IMMP2L: variants seen among roughly 807,000 people sequenced by gnomAD.
The protein encoded by IMMP2L is inner mitochondrial membrane peptidase subunit 2, also known as mitochondrial inner membrane protease subunit 2.
A neutral mutation model predicts 19.3 loss-of-function variants in IMMP2L; 18 were observed. The observed-to-expected ratio is 0.93, with a 90% CI of 0.64 to 1.38. The LOEUF (loss-of-function observed/expected upper bound fraction) is 1.38. Among genes scored for constraint, IMMP2L ranks in the 40% most tolerant of loss-of-function variants. The probability of loss-of-function intolerance (pLI) is 0.00; values close to 1 mark genes in which losing one functional copy is unlikely to be tolerated. For synonymous variants in IMMP2L, 76 were observed against 73.0 expected (o/e 1.04, Z -0.21); for missense variants, 233 against 218.2 (o/e 1.07, Z -0.43).
At chr7:111,159,177 A>G (rs1024482690) in intron 3 of IMMP2L, among the ~76,000 whole-genome samples, 3 of 152,156 alleles carry the variant, frequency 2.0e-5, no homozygotes, top group Non-Finnish European at 4.4e-5. Context: ...GTGCAGTAGC[A>G]TGATGTCGAC....
chr7:111,292,454 G>GA (rs1333634226), intron 3 of IMMP2L, among the ~76,000 whole-genome samples: 1 of 151,992 alleles, frequency 6.6e-6, no homozygotes, highest in Admixed American at 6.6e-5. Context: ...ATATTCAGTA[G>GA]ATGTAAATGT....
chr7:111,366,328 C>A, intron 3 of IMMP2L, among the ~76,000 whole-genome samples: 1 of 143,472 alleles, frequency 7.0e-6, no homozygotes, highest in Admixed American at 7.1e-5. Flanking sequence ...GAGAAGCATT[C>A]TATTAAAAAA....
chr7:110,951,068 C>A (rs10252992), intron 4 of IMMP2L, among the ~76,000 whole-genome samples: 27,183 of 151,004 alleles, frequency 0.18, 5,365 homozygotes, highest in African/African-American at 0.49. Context: ...AGTATCTAAA[C>A]CACTCAAACT....
At chr7:111,178,702 A>C (rs148024702) in intron 3 of IMMP2L, among the ~76,000 whole-genome samples, 1 of 152,222 alleles carries the variant, frequency 6.6e-6, no homozygotes, top group East Asian at 1.9e-4. Context: ...GCTTATCCAT[A>C]AAAAGCAACT....
chr7:110,761,127 T>C (rs1297522224), intron 5 of IMMP2L, among the ~76,000 whole-genome samples: 2 of 152,124 alleles, frequency 1.3e-5, no homozygotes, highest in African/African-American at 4.8e-5. Flanking sequence ...CTTTAAACTT[T>C]TGGTGGCAGC....
At chr7:111,300,993 T>G (rs1282616999) in intron 3 of IMMP2L, among the ~76,000 whole-genome samples, 2 of 152,122 alleles carry the variant, frequency 1.3e-5, no homozygotes, top group African/African-American at 2.4e-5. Flanking sequence ...AATTGCATGT[T>G]TAGGTTCATA....
intron 5 of IMMP2L, among the ~76,000 whole-genome samples, chr7:110,744,915 G>A (rs914913205): frequency 6.6e-6 from 1 of 152,198 alleles, no homozygotes; most frequent in Admixed American, 6.5e-5. Flanking sequence ...CAAATTGACA[G>A]ACGTTAAGCT....
intron 5 of IMMP2L, among the ~76,000 whole-genome samples, chr7:110,873,429 CAAAAAAAA>C (rs60827428): frequency 5.9e-4 from 17 of 28,956 alleles, no homozygotes; most frequent in Non-Finnish European, 5.7e-4. Flanking sequence ...GACTCTATCT[CAAAAAAAA>C]AAAAAAAAAA....
At chr7:111,049,863 C>A (rs868445092) in intron 3 of IMMP2L, among the ~76,000 whole-genome samples, 9 of 152,156 alleles carry the variant, frequency 5.9e-5, no homozygotes, top group African/African-American at 2.2e-4. Context: ...AAATTAACTG[C>A]TGTTCCGTGA....
At chr7:111,103,219 T>G (rs997759749) in intron 3 of IMMP2L, among the ~76,000 whole-genome samples, 5 of 151,744 alleles carry the variant, frequency 3.3e-5, no homozygotes, top group African/African-American at 1.2e-4. Flanking sequence ...AAACCTGTAT[T>G]AGCATTTCTG....
chr7:110,687,894 TG>T (rs895468338), intron 5 of IMMP2L, among the ~76,000 whole-genome samples: 21 of 151,996 alleles, frequency 1.4e-4, no homozygotes, highest in Admixed American at 2.6e-4. Context: ...GATGGGTCGG[TG>T]TGACTGCTTT....
chr7:111,392,667 C>G, intron 3 of IMMP2L: 5 of 422,908 alleles, frequency 1.2e-5, no homozygotes, highest in South Asian at 3.3e-5. Context: ...CTCAGTCCCA[C>G]AAATCAAGGT....
rs191140464 is a variant in IMMP2L at position 111,268,348 on chromosome 7, T to C, written c.239+218890A>G. Reference sequence around the variant, plus strand: ...CAGAGATAGAAAAGGGAGGCAGGAGTTGTCTTAAGACAAACTTCACCTAGC... The same window carrying C: ...CAGAGATAGAAAAGGGAGGCAGGAGCTGTCTTAAGACAAACTTCACCTAGC... On this transcript the variant is annotated intron_variant, in intron 3 of 5. Transcript: ENST00000405709. 5.7e-4 allele frequency among the ~76,000 whole-genome samples: 86 copies of C among 150,492 alleles called. 1 individual carries two copies. Among genetic ancestry groups the C allele is most frequent in the African/African-American group, 2.0e-3 (80 of 40,970 alleles).
intron 3 of IMMP2L, among the ~76,000 whole-genome samples, chr7:111,420,570 C>A (rs1197853472): frequency 1.4e-5 from 2 of 143,448 alleles, no homozygotes; most frequent in Non-Finnish European, 3.0e-5. Flanking sequence ...CCCCACCCCC[C>A]GATAGTCCCC....
chr7:111,011,117 T>C (rs575328500), intron 3 of IMMP2L, among the ~76,000 whole-genome samples: 10 of 151,984 alleles, frequency 6.6e-5, no homozygotes, highest in African/African-American at 1.9e-4. Context: ...AGAGATGTGA[T>C]AACAGGCAAT....
At chr7:110,988,644 A>G (rs1300414176) in intron 3 of IMMP2L, among the ~76,000 whole-genome samples, 1 of 152,166 alleles carries the variant, frequency 6.6e-6, no homozygotes, top group Non-Finnish European at 1.5e-5. Flanking sequence ...AACCTGGTCT[A>G]TATACATGCC....
chr7:110,892,559 G>A (rs1268342107), intron 4 of IMMP2L, among the ~76,000 whole-genome samples: 3 of 152,066 alleles, frequency 2.0e-5, no homozygotes, highest in Admixed American at 1.3e-4. Context: ...GGGCTAAAGG[G>A]AAGTTTTCCT....
intron 5 of IMMP2L, among the ~76,000 whole-genome samples, chr7:110,768,236 A>T (rs1798799132): frequency 1.3e-5 from 2 of 151,742 alleles, no homozygotes; most frequent in African/African-American, 4.8e-5. Context: ...AAACGGAAAG[A>T]AGACCCTGCC....
chr7:111,277,333 C>T (rs1248558405), intron 3 of IMMP2L, among the ~76,000 whole-genome samples: 3 of 151,744 alleles, frequency 2.0e-5, no homozygotes. Flanking sequence ...AACAAACACA[C>T]ACAAAAAAAT....
Sources: gnomAD v4.1 joint callset for allele counts (sites outside exome capture counted in the v4.1 genomes callset) on GRCh38, gnomAD v4.1.1 for gene constraint, MANE v1.5 for transcripts, NCBI Gene and HGNC (gene_info 2026-07-23, HGNC 2026-07-21) for gene names.